The following TFAP2D variants were observed in gnomAD, a reference collection of about 807,000 sequenced individuals.
TFAP2D encodes transcription factor AP-2 delta, also known as transcription factor AP-2-delta.
Under a neutral mutation model 43.6 loss-of-function variants are expected in TFAP2D, and 9 were observed. The observed-to-expected ratio is 0.21, with a 90% confidence interval of 0.12 to 0.36. The LOEUF (loss-of-function observed/expected upper bound fraction) is 0.36. TFAP2D is among the 10% of genes least tolerant of loss of function. The probability of loss-of-function intolerance (pLI) is 1.00; values close to 1 mark genes in which losing one functional copy is unlikely to be tolerated. For synonymous variants in TFAP2D, 256 were observed against 224.9 expected, an observed-to-expected ratio of 1.14 and a Z score of -1.24; for missense variants, 513 against 561.4, an observed-to-expected ratio of 0.91 and a Z score of 0.87.
chr6:50,734,607 G>A (rs2114042050), intron 5 of TFAP2D, among the ~76,000 whole-genome samples: 1 of 152,146 alleles, frequency 6.6e-6, no homozygotes, highest in Admixed American at 6.6e-5. Flanking sequence ...ATAAGGAAAG[G>A]CATAATGGTG....
chr6:50,742,524 T>TTGGATGGA (rs202014854), intron 5 of TFAP2D, among the ~76,000 whole-genome samples: 85 of 151,094 alleles, frequency 5.6e-4, no homozygotes, highest in African/African-American at 1.9e-3. Context: ...AGAAAAAGGA[T>TTGGATGGA]TGGATGGATG....
At chr6:50,745,083 C>G in intron 5 of TFAP2D, 24 bp from the exon 6 acceptor site, 1 of 1,612,088 alleles carries the variant, frequency 6.2e-7, no homozygotes, top group Non-Finnish European at 8.5e-7. Flanking sequence ...TGGTGAGAAA[C>G]TCACTTGTGT....
intron 3 of TFAP2D, among the ~76,000 whole-genome samples, chr6:50,724,715 G>C (rs1768780844): frequency 6.6e-6 from 1 of 152,060 alleles, no homozygotes; most frequent in Non-Finnish European, 1.5e-5. Context: ...GCTCACCCAG[G>C]CTCCGGCGCT....
rs144027836 is a variant in TFAP2D at position 50,716,161 on chromosome 6, A to G, written c.537+548A>G. Among the ~76,000 whole-genome samples the G allele has an allele frequency of 3.5e-4, 53 of 152,268 alleles. 1 individual carries two copies. Among genetic ancestry groups the G allele is most frequent in the African/African-American group, 1.2e-3 (50 of 41,546 alleles). The stretch of plus-strand genomic sequence containing the variant: ...ATTGTTGGGACCCTAAGCTTGAACA[A>G]AAGTTTCACCAAATACACTAGATAT... On this transcript the variant is annotated intron_variant, in intron 2 of 7. Coordinates refer to ENST00000008391, the MANE Select transcript of TFAP2D (RefSeq NM_172238.4).
chr6:50,752,308 G>T (rs1303795876), intron 7 of TFAP2D, among the ~76,000 whole-genome samples: 1 of 151,728 alleles, frequency 6.6e-6, no homozygotes, highest in Non-Finnish European at 1.5e-5. Flanking sequence ...ATATTTATCT[G>T]GTTAGTTTGT....
intron 3 of TFAP2D, among the ~76,000 whole-genome samples, chr6:50,726,755 G>A (rs140055015): frequency 4.5e-4 from 69 of 152,054 alleles, no homozygotes; most frequent in Admixed American, 1.2e-3. Context: ...TTTTTGAAAT[G>A]CATTTTGCAT....
At chr6:50,732,593 G>A (rs542449436) in intron 5 of TFAP2D, among the ~76,000 whole-genome samples, 4 of 152,048 alleles carry the variant, frequency 2.6e-5, no homozygotes, top group South Asian at 4.1e-4. Flanking sequence ...TCTTTGTGGG[G>A]AAGATTTGAA....
chr6:50,724,054 G>A (rs561605618), intron 3 of TFAP2D, among the ~76,000 whole-genome samples: 7 of 152,134 alleles, frequency 4.6e-5, no homozygotes, highest in African/African-American at 1.4e-4. Flanking sequence ...AATTAAGTCC[G>A]CATCCTTTGC....
intron 5 of TFAP2D, among the ~76,000 whole-genome samples, chr6:50,743,517 G>A (rs535224161): frequency 6.6e-6 from 1 of 152,022 alleles, no homozygotes; most frequent in South Asian, 2.1e-4. Context: ...GAGTGGCTAG[G>A]GACTGCAGGC....
chr6:50,739,010 T>A (rs960926584), intron 5 of TFAP2D, among the ~76,000 whole-genome samples: 1 of 152,174 alleles, frequency 6.6e-6, no homozygotes, highest in Admixed American at 6.5e-5. Context: ...AGAGAATTAC[T>A]TTAGGAGCAT....
chr6:50,757,451 C>CTA (rs576198064), intron 7 of TFAP2D, among the ~76,000 whole-genome samples: 12 of 88,432 alleles, frequency 1.4e-4, no homozygotes, highest in African/African-American at 5.4e-4. Context: ...TATACTTATT[C>CTA]TATATATATA....
rs999716773 is a variant in TFAP2D at position 50,736,882 on chromosome 6, T to C, written c.883+7570T>C. Among the ~76,000 whole-genome samples the C allele has an allele frequency of 2.0e-5, 3 of 152,348 alleles. No individual in the cohort carries two copies. In the South Asian group the frequency reaches 6.2e-4, roughly 32 times the overall value. On this transcript the variant is annotated intron_variant, in intron 5 of 7. Transcript: ENST00000008391. ...AGTGATGCTCACTAAAAATAACGTT[T>C]GAATTCTCTTCTTAGTGTCTTTCTT...
chr6:50,728,275 C>T (rs913759511), intron 3 of TFAP2D, among the ~76,000 whole-genome samples: 1 of 152,126 alleles, frequency 6.6e-6, no homozygotes, highest in South Asian at 2.1e-4. Flanking sequence ...AGGTATTTAA[C>T]CTATCATCAC....
chr6:50,753,281 G>A (rs1279545571), intron 7 of TFAP2D, among the ~76,000 whole-genome samples: 1 of 151,888 alleles, frequency 6.6e-6, no homozygotes, highest in Non-Finnish European at 1.5e-5. Flanking sequence ...AGATGCTGAG[G>A]CCTTCATCAG....
chr6:50,737,836 T>C (rs566773411), intron 5 of TFAP2D, among the ~76,000 whole-genome samples: 1 of 152,184 alleles, frequency 6.6e-6, no homozygotes, highest in Non-Finnish European at 1.5e-5. Flanking sequence ...GTGTTTTCAG[T>C]CTTTGGCTAT....
chr6:50,751,065 C>A, intron 6 of TFAP2D, 146 bp from the exon 7 acceptor site: 2 of 586,960 alleles, frequency 3.4e-6, no homozygotes, highest in African/African-American at 1.9e-5. Context: ...CAACTGTATG[C>A]TATGAATGGA....
chr6:50,715,047 C>T, intron 1 of TFAP2D, 69 bp from the exon 2 acceptor site: 5 of 1,552,274 alleles, frequency 3.2e-6, no homozygotes, highest in Non-Finnish European at 3.5e-6. Context: ...TCCGGGAGAG[C>T]GGCGCCTTGG....
chr6:50,728,810 C>A, intron 3 of TFAP2D, 46 bp from the exon 4 acceptor site: 3 of 1,524,392 alleles, frequency 2.0e-6, no homozygotes, highest in Non-Finnish European at 1.8e-6. Flanking sequence ...ATGCAGTTAG[C>A]TTCTTTCACT....
intron 5 of TFAP2D, among the ~76,000 whole-genome samples, chr6:50,736,577 A>G (rs1202139590): frequency 6.6e-6 from 1 of 152,206 alleles, no homozygotes; most frequent in Non-Finnish European, 1.5e-5. Context: ...ATTAGAGTAT[A>G]TCTTTTAAAA....
Sources: allele counts gnomAD v4.1 joint callset (sites outside exome capture counted in the v4.1 genomes callset), GRCh38; gene constraint gnomAD v4.1.1; transcripts MANE v1.5; gene names NCBI Gene and HGNC (gene_info 2026-07-23, HGNC 2026-07-21).